The following REG4 variants were observed in gnomAD, a reference collection of about 807,000 sequenced individuals.
REG4 encodes the protein regenerating islet-derived protein 4.
REG4 carries 16 observed loss-of-function variants against 22.3 expected under a neutral mutation model. The ratio of observed to expected loss-of-function variants is 0.72; its 90% CI spans 0.49 to 1.09. The LOEUF (loss-of-function observed/expected upper bound fraction) is 1.09. Ranked by LOEUF, REG4 falls within the 50% of genes least tolerant of loss-of-function variation. REG4 has a pLI of 0.00. For missense variants in REG4, 214 were observed against 193.9 expected, an observed-to-expected ratio of 1.10 and a Z score of -0.61; for synonymous variants, 71 against 69.2, an observed-to-expected ratio of 1.03 and a Z score of -0.13.
rs141427079 is a variant in REG4, at chr1:119,805,704, G to A, written c.68-2539C>T. On this transcript the variant is annotated intron_variant, in intron 2 of 5. Coordinates refer to ENST00000256585, the MANE Select transcript of REG4 (RefSeq NM_032044.4). ...TCTTTGACTTTCTATGTATCTCTCC[G>A]TTCTCTCCCTGTCTTTGTACTCTCT... 9.3e-3 allele frequency among the ~76,000 whole-genome samples: 1,419 copies of A among 151,766 alleles called. 7 individuals carry two copies. Among genetic ancestry groups the A allele is most frequent in the Non-Finnish European group, 0.014 (971 of 67,916 alleles).
intron 5 of REG4, among the ~76,000 whole-genome samples, chr1:119,795,125 G>A (rs1191225780): frequency 6.6e-6 from 1 of 152,182 alleles, no homozygotes; most frequent in African/African-American, 2.4e-5. Context: ...GTAAATCTCT[G>A]TCTCTCTATA....
chr1:119,808,236 G>T (rs1654383496), intron 2 of REG4, among the ~76,000 whole-genome samples: 1 of 152,116 alleles, frequency 6.6e-6, no homozygotes, highest in Non-Finnish European at 1.5e-5. Context: ...CCACTTTGTT[G>T]CCATGTTACT....
chr1:119,797,478 A>T (rs779100905), intron 5 of REG4, among the ~76,000 whole-genome samples: 18 of 152,166 alleles, frequency 1.2e-4, no homozygotes, highest in African/African-American at 3.9e-4. Context: ...AACTGCCCCC[A>T]TGTCCTGCTG....
intron 3 of REG4, chr1:119,801,568 T>G (rs1654101010): frequency 6.6e-6 from 1 of 152,286 alleles, no homozygotes; most frequent in Non-Finnish European, 1.5e-5. Context: ...CAACTGGTAC[T>G]GCTGGGGCTG....
At chr1:119,798,725 C>T (rs989430852) in intron 4 of REG4, 123 bp from the exon 5 acceptor site, 6 of 629,170 alleles carry the variant, frequency 9.5e-6, no homozygotes, top group Non-Finnish European at 1.7e-5. Context: ...TACAGAAATG[C>T]TTAAAGAAGG....
At chr1:119,795,753 C>T (rs1179493234) in intron 5 of REG4, among the ~76,000 whole-genome samples, 1 of 152,218 alleles carries the variant, frequency 6.6e-6, no homozygotes, top group African/African-American at 2.4e-5. Context: ...TGCCTGCATC[C>T]ATAGTGCTCA....
At chr1:119,808,939 A>G (rs1654414526) in intron 1 of REG4, 76 bp from the exon 2 acceptor site, 5 of 530,586 alleles carry the variant, frequency 9.4e-6, no homozygotes, top group Non-Finnish European at 1.0e-5. Context: ...AAATAATACA[A>G]TATTTTCCTG....
At position 119,794,590 on chromosome 1, in the gene REG4, A is replaced by AG; in HGVS notation, c.*27dup. 6.3e-7 allele frequency: 1 copy of AG among 1,597,942 alleles called. No individual in the cohort carries two copies. Among genetic ancestry groups the AG allele is most frequent in the Non-Finnish European group, 8.6e-7 (1 of 1,165,126 alleles). On this transcript the variant is annotated 3_prime_UTR_variant, in exon 6 of 6. Coordinates refer to ENST00000256585, the MANE Select transcript of REG4 (RefSeq NM_032044.4). ...AGAAAGGAAGAGGACGGGGCTGTGC[A>AG]GGAGTTAGCAGAATCTTGATTCTTG...
Position 119,794,701 on chromosome 1 carries a change from C to G in REG4, c.410-16G>C. 6.2e-7 allele frequency: 1 copy of G among 1,612,102 alleles called. No individual in the cohort carries two copies. The highest frequency in any genetic ancestry group is 8.5e-7 in the Non-Finnish European group (1 of 1,178,162). On this transcript the variant is annotated splice_polypyrimidine_tract_variant and intron_variant, in intron 5 of 5. Transcript: ENST00000256585. ...GTTAAAAAGTCTGTAAGAAAATAAACAGATATTTAAATCCATTCAGTACTA... is the reference window on the plus strand; with the variant it reads ...GTTAAAAAGTCTGTAAGAAAATAAAGAGATATTTAAATCCATTCAGTACTA...
chr1:119,797,589 T>A (rs1238646164), intron 5 of REG4, among the ~76,000 whole-genome samples: 1 of 152,208 alleles, frequency 6.6e-6, no homozygotes, highest in African/African-American at 2.4e-5. Context: ...CTGGTGTCAC[T>A]ATGATGGCCT....
intron 5 of REG4, among the ~76,000 whole-genome samples, chr1:119,795,765 C>T (rs587713712): frequency 3.9e-5 from 6 of 152,306 alleles, no homozygotes; most frequent in South Asian, 2.1e-4. Context: ...TAGTGCTCAG[C>T]GCAGGAGCCA....
intron 3 of REG4, among the ~76,000 whole-genome samples, chr1:119,800,213 C>G (rs587700507): frequency 3.3e-5 from 5 of 152,278 alleles, no homozygotes; most frequent in African/African-American, 1.2e-4. Context: ...CTACCTAGGA[C>G]CTGTCATGAG....
At chr1:119,802,487 A>G in intron 3 of REG4, 1 of 1,027,472 alleles carries the variant, frequency 9.7e-7, no homozygotes, top group Non-Finnish European at 1.2e-6. Flanking sequence ...AATTAATCAC[A>G]ATTCAGCAGC....
chr1:119,799,621 A>T, intron 4 of REG4, 104 bp downstream of exon 4: 1 of 1,429,034 alleles, frequency 7.0e-7, no homozygotes, highest in Non-Finnish European at 9.5e-7. Flanking sequence ...TCTGGAGAAG[A>T]TCCACCCGCT....
At chr1:119,797,348 T>C (rs1188204143) in intron 5 of REG4, among the ~76,000 whole-genome samples, 1 of 152,210 alleles carries the variant, frequency 6.6e-6, no homozygotes, top group African/African-American at 2.4e-5. Context: ...TCTATGGCTG[T>C]TTATCTCTGA....
intron 2 of REG4, among the ~76,000 whole-genome samples, chr1:119,807,536 A>G (rs1654359750): frequency 6.6e-6 from 1 of 152,234 alleles, no homozygotes; most frequent in African/African-American, 2.4e-5. Flanking sequence ...GTCAGCACAG[A>G]ACAAGAGTGG....
chr1:119,807,472 C>T (rs1320156585), intron 2 of REG4, among the ~76,000 whole-genome samples: 1 of 152,226 alleles, frequency 6.6e-6, no homozygotes, highest in African/African-American at 2.4e-5. Context: ...GGTTGTATCA[C>T]ATTCCCCAGG....
intron 5 of REG4, among the ~76,000 whole-genome samples, chr1:119,798,196 T>C (rs1412353133): frequency 1.3e-5 from 2 of 152,140 alleles, no homozygotes; most frequent in African/African-American, 2.4e-5. Context: ...ATCCCTCTCA[T>C]GGTATAGAAT....
At chr1:119,803,759 G>T (rs1470225610) in intron 2 of REG4, among the ~76,000 whole-genome samples, 2 of 152,194 alleles carry the variant, frequency 1.3e-5, no homozygotes, top group African/African-American at 2.4e-5. Flanking sequence ...ACTTTGGCTT[G>T]GGAGACAAGG....
Sources: gnomAD v4.1 joint callset for allele counts (sites outside exome capture counted in the v4.1 genomes callset) on GRCh38, gnomAD v4.1.1 for gene constraint, MANE v1.5 for transcripts, NCBI Gene and HGNC (gene_info 2026-07-23, HGNC 2026-07-21) for gene names.